The following DNAH12 variants were observed in gnomAD, a reference collection of about 807,000 sequenced individuals.
The protein encoded by DNAH12 is dynein axonemal heavy chain 12, also known as axonemal beta dynein heavy chain 12.
A neutral mutation model predicts 371.5 loss-of-function variants in DNAH12; 285 were observed. The observed-to-expected ratio is 0.77, with a 90% CI of 0.70 to 0.85. The LOEUF is 0.85. Ranked by LOEUF, DNAH12 falls within the 40% of genes least tolerant of loss-of-function variation. DNAH12 has a pLI of 0.00. For missense variants in DNAH12, 3,611 were observed against 3,689.4 expected (o/e 0.98, Z 0.55); for synonymous variants, 1,200 against 1,213.0 (o/e 0.99, Z 0.22).
At chr3:57,309,540 G>C in intron 68 of DNAH12, 126 bp downstream of exon 68, 1 of 937,974 alleles carries the variant, frequency 1.1e-6, no homozygotes, top group Non-Finnish European at 1.5e-6. Context: ...CGGATTTGGA[G>C]GCTAATGCTT....
At chr3:57,416,427 A>G (rs2064378025) in intron 37 of DNAH12, among the ~76,000 whole-genome samples, 1 of 152,210 alleles carries the variant, frequency 6.6e-6, no homozygotes, top group Non-Finnish European at 1.5e-5. Flanking sequence ...CTATTATTTG[A>G]ATAGATGTAA....
At position 57,296,942 on chromosome 3, in the gene DNAH12, C is replaced by G. The variant is rs1354039225; in HGVS notation, c.11437G>C (p.Gly3813Arg). ...AAAAAGGCCTGAGTGAAAAAGAAACCTGACAGCCAAAACACACAAGGTTTT... is the reference window on the plus strand; with the variant it reads ...AAAAAGGCCTGAGTGAAAAAGAAACGTGACAGCCAAAACACACAAGGTTTT... The part of the protein sequence containing the change: ...SGKPCVFWLS[G>R]FFFTQAFLTG... Residue 3813 changes from glycine to arginine, a missense_variant, in exon 71 of 74, where the codon GGT (glycine) becomes CGT (arginine). Gly to Arg is a moderately radical substitution (Grantham distance 125, BLOSUM62 -2). Around this residue, in one of 3 missense-constraint regions of DNAH12, gnomAD observed 2,266 missense variants for 2,236.9 expected, o/e 1.01. Transcript: ENST00000495027. 6.4e-7 allele frequency: 1 copy of G among 1,551,506 alleles called. No individual in the cohort carries two copies. Among genetic ancestry groups the G allele is most frequent in the Non-Finnish European group, 8.7e-7 (1 of 1,146,990 alleles).
chr3:57,499,647 A>ATATAT (rs1553711615), intron 11 of DNAH12, among the ~76,000 whole-genome samples: 2 of 17,946 alleles, frequency 1.1e-4, no homozygotes, highest in African/African-American at 2.1e-4. Flanking sequence ...AAAAAAAAAA[A>ATATAT]ATATATATAT....
chr3:57,303,077 C>T (rs995301916), intron 69 of DNAH12, among the ~76,000 whole-genome samples: 2 of 151,860 alleles, frequency 1.3e-5, no homozygotes, highest in African/African-American at 2.4e-5. Context: ...TGGTGGCTCA[C>T]GCCTGTAATC....
At chr3:57,524,952 G>A (rs2068582957) in intron 2 of DNAH12, among the ~76,000 whole-genome samples, 1 of 152,060 alleles carries the variant, frequency 6.6e-6, no homozygotes, top group Non-Finnish European at 1.5e-5. Context: ...GAGAGGTTTT[G>A]AGCATGGAAA....
chr3:57,487,373 GAAAA>G (rs745504623), intron 12 of DNAH12, among the ~76,000 whole-genome samples: 10 of 28,772 alleles, frequency 3.5e-4, no homozygotes, highest in Non-Finnish European at 7.9e-5. Context: ...GAGAAAGAAA[GAAAA>G]AAAAAAAGAA....
At chr3:57,410,422 G>C (rs921716149) in intron 39 of DNAH12, among the ~76,000 whole-genome samples, 13 of 152,062 alleles carry the variant, frequency 8.5e-5, no homozygotes, top group African/African-American at 2.7e-4. Context: ...ATTAAATATT[G>C]TGTGTGTTCT....
At chr3:57,305,366 G>A (rs989266551) in intron 69 of DNAH12, among the ~76,000 whole-genome samples, 8 of 151,646 alleles carry the variant, frequency 5.3e-5, no homozygotes, top group African/African-American at 1.7e-4. Context: ...TCGCCAGGCC[G>A]AGCTAGGTCC....
intron 12 of DNAH12, among the ~76,000 whole-genome samples, chr3:57,488,236 G>A (rs980426194): frequency 1.3e-5 from 2 of 151,938 alleles, no homozygotes; most frequent in African/African-American, 2.4e-5. Flanking sequence ...ACTGTAGCCC[G>A]GGCTGGAGTG....
intron 62 of DNAH12, among the ~76,000 whole-genome samples, chr3:57,327,577 T>G: frequency 6.6e-6 from 1 of 152,024 alleles, no homozygotes; most frequent in Admixed American, 6.6e-5. Context: ...AAGGGAAATT[T>G]ATAGCACTAA....
chr3:57,408,273 G>T lies in DNAH12; in HGVS notation c.6276+7C>A. 1 of 1,527,112 alleles carries T rather than the reference G, an allele frequency of 6.5e-7. No individual in the cohort carries two copies. Among genetic ancestry groups the T allele is most frequent in the South Asian group, 1.3e-5 (1 of 79,264 alleles). The allele number at this position is 1,527,112 out of a possible 1,614,324, so 94.6% of individuals were successfully genotyped here. On this transcript the variant is annotated splice_region_variant and intron_variant, in intron 40 of 73. Transcript: ENST00000495027. ...ACTAAAACATTTACATTGCATTATT[G>T]ACTGACCTCCATAGTCCCATTGACT...
In DNAH12 at chr3:57,433,355, A is replaced by C; in HGVS notation, c.4980+12T>G. 6.5e-7 allele frequency: 1 copy of C among 1,545,640 alleles called. No homozygotes were observed. On this transcript the variant is annotated intron_variant, in intron 32 of 73. Coordinates refer to ENST00000495027, the MANE Select transcript of DNAH12 (RefSeq NM_001366028.2). ...CATGGCTGAATCTGCTTCTCTTTTG[A>C]TCATGATTTACCTTTTTATTATCAT... is the stretch of plus-strand genomic sequence containing the variant.
At chr3:57,351,941 C>T (rs988319410) in intron 60 of DNAH12, 144 bp downstream of exon 60, 1 of 790,228 alleles carries the variant, frequency 1.3e-6, no homozygotes, top group Non-Finnish European at 1.9e-6. Context: ...ATCGTAGAAG[C>T]CATTGTTATC....
intron 60 of DNAH12, 53 bp from the exon 61 acceptor site, chr3:57,334,993 G>A: frequency 6.7e-7 from 1 of 1,498,840 alleles, no homozygotes; most frequent in Non-Finnish European, 8.9e-7. Flanking sequence ...AAAATTGAAT[G>A]ATGTCAACTT....
At chr3:57,498,072 A>C (rs1466805888) in intron 11 of DNAH12, 1 of 157,298 alleles carries the variant, frequency 6.4e-6, no homozygotes, top group Non-Finnish European at 1.4e-5. Flanking sequence ...ATGACATGTT[A>C]AAAGATGCTA....
chr3:57,361,013 C>T lies in DNAH12; in HGVS notation c.9360+2581G>A, dbSNP rs928882820. ...TAACTGCTTGCTAACGCCTTTTCTG[C>T]TTATAACATTGTATTATTCTATAAA... On this transcript the variant is annotated intron_variant, in intron 58 of 73. Coordinates refer to ENST00000495027, the MANE Select transcript of DNAH12 (RefSeq NM_001366028.2). 2.0e-5 allele frequency among the ~76,000 whole-genome samples: 3 copies of T among 152,102 alleles called. No homozygotes were observed. In the East Asian group the frequency reaches 5.8e-4, roughly 29 times the overall value.
At chr3:57,483,009 CAT>C (rs991200281) in intron 13 of DNAH12, among the ~76,000 whole-genome samples, 6 of 149,250 alleles carry the variant, frequency 4.0e-5, no homozygotes, top group Non-Finnish European at 5.9e-5. Flanking sequence ...CAACATGACA[CAT>C]GTATACATAT....
the DNAH12 span, among the ~76,000 whole-genome samples, chr3:57,550,225 G>A: frequency 6.6e-6 from 1 of 152,022 alleles, no homozygotes; most frequent in Non-Finnish European, 1.5e-5. Flanking sequence ...TGAGGCAAGA[G>A]GATTGCTTGA....
intron 17 of DNAH12, among the ~76,000 whole-genome samples, chr3:57,466,786 T>C (rs6781076): frequency 0.038 from 5,779 of 152,202 alleles, 108 homozygotes; most frequent in African/African-American, 0.053. Context: ...CTTACTCTGT[T>C]GTGCCCAGGA....
Sources: gnomAD v4.1 joint callset for allele counts (sites outside exome capture counted in the v4.1 genomes callset) on GRCh38, gnomAD v4.1.1 for gene constraint, gnomAD v4.1.1 regional missense constraint, MANE v1.5 for transcripts, NCBI Gene and HGNC (gene_info 2026-07-23, HGNC 2026-07-21) for gene names.